The following SUMF1 variants were observed in gnomAD, a reference collection of about 807,000 sequenced individuals.
SUMF1 encodes sulfatase modifying factor 1.
In SUMF1, 48 loss-of-function variants were observed where a neutral mutation model predicts 47.6. The ratio of observed to expected loss-of-function variants is 1.01; its 90% CI spans 0.80 to 1.28. SUMF1 has a LOEUF of 1.28. SUMF1 is among the 50% of genes most tolerant of loss of function. The probability of loss-of-function intolerance (pLI) is 0.00; values close to 1 mark genes in which losing one functional copy is unlikely to be tolerated. For missense variants in SUMF1, 571 were observed against 485.4 expected (o/e 1.18, Z -1.66); for synonymous variants, 230 against 192.1 (o/e 1.20, Z -1.63).
intron 9 of SUMF1, among the ~76,000 whole-genome samples, chr3:4,063,842 A>G (rs1695320059): frequency 6.6e-6 from 1 of 152,154 alleles, no homozygotes; most frequent in Non-Finnish European, 1.5e-5. Context: ...CTTGGTCTTT[A>G]TTTCAAAACA....
chr3:4,270,926 A>C (rs1396356305), intron 8 of SUMF1, among the ~76,000 whole-genome samples: 1 of 152,234 alleles, frequency 6.6e-6, no homozygotes, highest in African/African-American at 2.4e-5. Context: ...TGTAAAACGG[A>C]AACTGGTCAA....
chr3:4,358,372 C>A (rs563675657), downstream of SUMF1, among the ~76,000 whole-genome samples: 40 of 152,006 alleles, frequency 2.6e-4, no homozygotes, highest in Non-Finnish European at 4.6e-4. Context: ...ACAACAACAA[C>A]AAAAAACAAA....
At chr3:4,431,837 A>T (rs914242970) in intron 3 of SUMF1, among the ~76,000 whole-genome samples, 2 of 152,178 alleles carry the variant, frequency 1.3e-5, no homozygotes, top group African/African-American at 4.8e-5. Flanking sequence ...AGCATAATTA[A>T]GAGCATCCCA....
intron 3 of SUMF1, among the ~76,000 whole-genome samples, chr3:4,441,634 C>T (rs1159808907): frequency 6.6e-6 from 1 of 152,102 alleles, no homozygotes; most frequent in African/African-American, 2.4e-5. Flanking sequence ...AATATCTATA[C>T]CTTTTAAGAT....
chr3:4,092,887 G>C (rs759273777), intron 8 of SUMF1, among the ~76,000 whole-genome samples: 7 of 152,034 alleles, frequency 4.6e-5, no homozygotes, highest in Non-Finnish European at 1.0e-4. Flanking sequence ...TGGAAGAAAT[G>C]GTTAGAAAAG....
intron 8 of SUMF1, among the ~76,000 whole-genome samples, chr3:4,218,225 C>A (rs1695981361): frequency 6.6e-6 from 1 of 151,990 alleles, no homozygotes; most frequent in Non-Finnish European, 1.5e-5. Context: ...AACACCTTGA[C>A]CTCATGCTTC....
Position 4,122,799 on chromosome 3 carries a change from C to T in SUMF1, c.1015-54054G>A, listed in dbSNP as rs549084089. On this transcript the variant is annotated intron_variant and NMD_transcript_variant, in intron 8 of 12. Transcript: ENST00000448413. ...TTGAAAGGGAAAACTGCCTTCAAAG[C>T]AGAGGAGTGTATTGGAACTGTTGCC... Among the ~76,000 whole-genome samples, 13 of 152,242 alleles carry T rather than the reference C, an allele frequency of 8.5e-5. No homozygotes were observed. The South Asian group carries it at 2.7e-3, about 32-fold the overall frequency.
intron 8 of SUMF1, among the ~76,000 whole-genome samples, chr3:4,170,425 TTGAGAAC>T (rs1231389154): frequency 6.6e-6 from 1 of 152,150 alleles, no homozygotes. Context: ...TGGCCACACT[TTGAGAAC>T]TGCCGCTTTA....
At chr3:4,329,010 T>A (rs1189372487) in intron 8 of SUMF1, among the ~76,000 whole-genome samples, 2 of 152,220 alleles carry the variant, frequency 1.3e-5, no homozygotes, top group African/African-American at 4.8e-5. Context: ...AGCTCCAAAA[T>A]GATCTCATTT....
At chr3:4,190,405 AATT>A (rs1695290081) in intron 8 of SUMF1, among the ~76,000 whole-genome samples, 1 of 152,094 alleles carries the variant, frequency 6.6e-6, no homozygotes, top group Non-Finnish European at 1.5e-5. Context: ...GAAGCAAAAG[AATT>A]ATTATAACAT....
intron 8 of SUMF1, among the ~76,000 whole-genome samples, chr3:4,278,439 T>C (rs564887118): frequency 6.6e-6 from 1 of 152,268 alleles, no homozygotes; most frequent in South Asian, 2.1e-4. Context: ...TAGAATTAAC[T>C]ACTGATAAAA....
intron 8 of SUMF1, among the ~76,000 whole-genome samples, chr3:4,372,828 A>T (rs1195626294): frequency 6.6e-6 from 1 of 152,248 alleles, no homozygotes; most frequent in Non-Finnish European, 1.5e-5. Flanking sequence ...TCTACTGGAA[A>T]GGCTAAGCAC....
intron 1 of SUMF1, among the ~76,000 whole-genome samples, chr3:4,460,716 G>C (rs2079792957): frequency 6.6e-6 from 1 of 151,456 alleles, no homozygotes; most frequent in South Asian, 2.1e-4. Flanking sequence ...GGAGTGCAGA[G>C]GCGTGATCAC....
chr3:4,339,195 C>T (rs1018480192), intron 8 of SUMF1, among the ~76,000 whole-genome samples: 1 of 152,200 alleles, frequency 6.6e-6, no homozygotes, highest in African/African-American at 2.4e-5. Flanking sequence ...TCTCTTGGGA[C>T]ACCTCCCATG....
At chr3:4,059,072 A>T (rs1425137454) in intron 9 of SUMF1, among the ~76,000 whole-genome samples, 3 of 152,172 alleles carry the variant, frequency 2.0e-5, no homozygotes, top group African/African-American at 7.2e-5. Flanking sequence ...GGAAAAGGTG[A>T]TCACTCTAAA....
Position 4,239,014 on chromosome 3 carries a change from C to G in SUMF1, c.1014+137316G>C, listed in dbSNP as rs139507285. Among the ~76,000 whole-genome samples, 740 of 152,186 alleles carry G rather than the reference C, an allele frequency of 4.9e-3. 2 individuals carry two copies. The highest frequency in any genetic ancestry group is 0.01 in the Middle Eastern group (3 of 294). ...ATATGGCTAGCCAGCTTTCCCAACA[C>G]CATTTATTAAATAGGGAATCCTTTC... On this transcript the variant is annotated intron_variant and NMD_transcript_variant, in intron 8 of 12. Transcript: ENST00000448413.
chr3:4,307,727 T>C (rs1236149450), intron 8 of SUMF1, among the ~76,000 whole-genome samples: 1 of 152,132 alleles, frequency 6.6e-6, no homozygotes, highest in Non-Finnish European at 1.5e-5. Flanking sequence ...ACTTACATTG[T>C]AACAATGCAG....
At chr3:4,038,113 T>G (rs1033860169) in intron 9 of SUMF1, among the ~76,000 whole-genome samples, 9 of 152,166 alleles carry the variant, frequency 5.9e-5, no homozygotes, top group Non-Finnish European at 1.2e-4. Flanking sequence ...CCACCACCGC[T>G]GCAGGGTGAT....
chr3:4,152,164 C>A (rs944475568), intron 8 of SUMF1, among the ~76,000 whole-genome samples: 1 of 151,538 alleles, frequency 6.6e-6, no homozygotes, highest in African/African-American at 2.4e-5. Flanking sequence ...GAACACAGAA[C>A]TGGAAAAATT....
Sources: allele counts gnomAD v4.1 joint callset (sites outside exome capture counted in the v4.1 genomes callset), GRCh38; gene constraint gnomAD v4.1.1; transcripts MANE v1.5; gene names NCBI Gene and HGNC (gene_info 2026-07-23, HGNC 2026-07-21).